The following CDH13 variants were observed in gnomAD, a reference collection of about 807,000 sequenced individuals.
The protein encoded by CDH13 is cadherin-13.
In CDH13, 24 loss-of-function variants were observed where a neutral mutation model predicts 63.8. The observed-to-expected ratio is 0.38, with a 90% CI of 0.27 to 0.53. The LOEUF is 0.53. Ranked by LOEUF, CDH13 falls within the 20% of genes least tolerant of loss-of-function variation. CDH13 has a pLI of 0.85. For synonymous variants in CDH13, 503 were observed against 355.3 expected (o/e 1.42, Z -4.67); for missense variants, 1,049 against 903.1 (o/e 1.16, Z -2.07).
At chr16:83,049,206 G>A (rs544955988) in intron 3 of CDH13, among the ~76,000 whole-genome samples, 2 of 151,854 alleles carry the variant, frequency 1.3e-5, no homozygotes, top group South Asian at 4.2e-4. Context: ...TAACCCAAAA[G>A]GAAACTGTAT....
chr16:82,709,607 C>A (rs553151618), intron 1 of CDH13, among the ~76,000 whole-genome samples: 1 of 152,186 alleles, frequency 6.6e-6, no homozygotes. Flanking sequence ...TGAGATAATT[C>A]ATGTCAAGTA....
chr16:82,902,099 T>C (rs1334227617), intron 2 of CDH13, among the ~76,000 whole-genome samples: 1 of 152,164 alleles, frequency 6.6e-6, no homozygotes, highest in Non-Finnish European at 1.5e-5. Context: ...CAAACTGCCT[T>C]TAATTTGCCC....
rs1410884847 is a variant in CDH13, at chr16:82,983,361, A to T, written c.158-48649A>T. ...TCACCCGGCTGTTTCCCCTAATATA[A>T]TAATTGGTCTTCAATTTTAACTTGC... On this transcript the variant is annotated intron_variant, in intron 2 of 13. Transcript: ENST00000567109. Among the ~76,000 whole-genome samples the T allele has an allele frequency of 3.3e-5, 5 of 152,218 alleles. No homozygotes were observed. In the East Asian group the frequency reaches 9.7e-4, roughly 29 times the overall value.
chr16:82,803,087 G>A (rs1009775981), intron 1 of CDH13, among the ~76,000 whole-genome samples: 1 of 152,118 alleles, frequency 6.6e-6, no homozygotes, highest in East Asian at 1.9e-4. Flanking sequence ...GCATTTCCAG[G>A]TTTATAAAAA....
At chr16:83,083,586 T>G (rs1380883117) in intron 3 of CDH13, among the ~76,000 whole-genome samples, 1 of 152,230 alleles carries the variant, frequency 6.6e-6, no homozygotes, top group Non-Finnish European at 1.5e-5. Flanking sequence ...TGTTGTTTTC[T>G]CTAGTACTCT....
chr16:82,935,282 A>G (rs1481513588), intron 2 of CDH13, among the ~76,000 whole-genome samples: 2 of 152,184 alleles, frequency 1.3e-5, no homozygotes, highest in East Asian at 1.9e-4. Context: ...CTCACTCACT[A>G]TCATGAGAAC....
intron 1 of CDH13, among the ~76,000 whole-genome samples, chr16:82,753,281 T>A (rs1161501925): frequency 6.6e-6 from 1 of 152,214 alleles, no homozygotes; most frequent in African/African-American, 2.4e-5. Context: ...TTTGGCATAA[T>A]TCAAAGTTCA....
intron 3 of CDH13, among the ~76,000 whole-genome samples, chr16:83,042,996 G>T (rs1917458325): frequency 6.6e-6 from 1 of 152,182 alleles, no homozygotes; most frequent in Non-Finnish European, 1.5e-5. Context: ...GTACTGTTAA[G>T]GAAAGTTAGT....
At chr16:83,587,338 G>C (rs1181442177) in intron 7 of CDH13, among the ~76,000 whole-genome samples, 2 of 152,166 alleles carry the variant, frequency 1.3e-5, no homozygotes, top group Admixed American at 1.3e-4. Context: ...ACTGATATTA[G>C]GCAAAGGTTG....
Position 82,627,101 on chromosome 16 carries a change from G to A in CDH13, c.9G>A (p.Pro3=), listed in dbSNP as rs775644013. 9 of 1,604,632 alleles carry A rather than the reference G, an allele frequency of 5.6e-6. No homozygotes were observed. Among genetic ancestry groups the A allele is most frequent in the South Asian group, 4.5e-5 (4 of 89,086 alleles). Residue 3 remains proline, a synonymous_variant, in exon 1 of 14, where the codon CCG becomes CCA. Coordinates refer to ENST00000567109, the MANE Select transcript of CDH13 (RefSeq NM_001257.5). The part of the protein sequence containing the change: MQ[P]RTPLVLCVLL... ...GCTTCTAGTCGGACAAAATGCAGCC[G>A]AGAACTCCGCTCGTTCTGTGCGTTC...
At chr16:83,182,204 C>T (rs1477423220) in intron 4 of CDH13, among the ~76,000 whole-genome samples, 4 of 152,222 alleles carry the variant, frequency 2.6e-5, no homozygotes, top group Admixed American at 2.6e-4. Context: ...CTGCCTCCTG[C>T]TAGTCACGCC....
chr16:82,981,632 G>A (rs971478070), intron 2 of CDH13, among the ~76,000 whole-genome samples: 1 of 151,704 alleles, frequency 6.6e-6, no homozygotes, highest in Admixed American at 6.6e-5. Flanking sequence ...CCTTCTTTAG[G>A]TCAGAAAAGA....
intron 4 of CDH13, among the ~76,000 whole-genome samples, chr16:83,215,310 C>T (rs923339925): frequency 6.6e-6 from 1 of 151,704 alleles, no homozygotes; most frequent in South Asian, 2.1e-4. Context: ...AATTCCTGAC[C>T]TCAAGTGATC....
At chr16:83,253,463 T>C (rs940671337) in intron 5 of CDH13, among the ~76,000 whole-genome samples, 1 of 152,226 alleles carries the variant, frequency 6.6e-6, no homozygotes, top group African/African-American at 2.4e-5. Context: ...TGTGGTCGTG[T>C]TGAGAGAACC....
intron 2 of CDH13, among the ~76,000 whole-genome samples, chr16:83,016,822 G>T (rs1040992007): frequency 1.0e-4 from 15 of 148,310 alleles, no homozygotes; most frequent in African/African-American, 3.7e-4. Context: ...GGATCTTTTT[G>T]TACAAAAGAT....
At chr16:83,708,337 C>A (rs531343589) in intron 10 of CDH13, among the ~76,000 whole-genome samples, 2 of 152,330 alleles carry the variant, frequency 1.3e-5, no homozygotes, top group South Asian at 4.1e-4. Context: ...TTGGGTTCAA[C>A]CTCATTATAA....
chr16:83,481,439 C>G (rs1015012066), intron 6 of CDH13, among the ~76,000 whole-genome samples: 2 of 152,182 alleles, frequency 1.3e-5, no homozygotes, highest in Non-Finnish European at 2.9e-5. Flanking sequence ...TCTGCGCTCT[C>G]CTTTCTCAAG....
At chr16:83,295,357 C>G (rs777800643) in intron 5 of CDH13, among the ~76,000 whole-genome samples, 5 of 151,766 alleles carry the variant, frequency 3.3e-5, no homozygotes, top group Non-Finnish European at 7.4e-5. Flanking sequence ...GCACAGGCAA[C>G]AAAAGCAAAA....
At chr16:83,267,691 A>G (rs938579682) in intron 5 of CDH13, among the ~76,000 whole-genome samples, 1 of 152,162 alleles carries the variant, frequency 6.6e-6, no homozygotes, top group African/African-American at 2.4e-5. Flanking sequence ...TCACAACATT[A>G]CGATGGAGCA....
Sources: allele counts gnomAD v4.1 joint callset (sites outside exome capture counted in the v4.1 genomes callset), GRCh38; gene constraint gnomAD v4.1.1; transcripts MANE v1.5; gene names NCBI Gene and HGNC (gene_info 2026-07-23, HGNC 2026-07-21).